The following PLXNB2 variants were observed in gnomAD, a reference collection of about 807,000 sequenced individuals.
The protein encoded by PLXNB2 is plexin-B2.
PLXNB2 carries 85 observed loss-of-function variants against 202.6 expected under a neutral mutation model. The observed-to-expected ratio is 0.42, with a 90% CI of 0.35 to 0.50. The LOEUF (loss-of-function observed/expected upper bound fraction) is 0.50. PLXNB2 is among the 20% of genes least tolerant of loss of function. The pLI, the probability that PLXNB2 is intolerant of heterozygous loss-of-function variation, is 0.02. For missense variants in PLXNB2, 2,063 were observed against 2,586.2 expected, an observed-to-expected ratio of 0.80 and a Z score of 4.39; for synonymous variants, 1,239 against 1,137.6, an observed-to-expected ratio of 1.09 and a Z score of -1.79.
Position 50,275,956 on chromosome 22 carries a change from G to C in PLXNB2, c.5345C>G (p.Thr1782Arg), listed in dbSNP as rs779890038. Residue 1782 changes from threonine (T) to arginine (R), a missense_variant, in exon 36 of 37, where the codon ACG becomes AGG. Around this residue, in one of 2 missense-constraint regions of PLXNB2, gnomAD observed 760 missense variants for 1,109.4 expected, o/e 0.69. Transcript: ENST00000359337. Reference sequence around the variant, plus strand: ...TGCCACGAGGGTGTTCAAGGAGTCCGTGTGCGCCTGGGGGGTGACGGGACA... The same window carrying C: ...TGCCACGAGGGTGTTCAAGGAGTCCCTGTGCGCCTGGGGGGTGACGGGACA... ...THLAEISRAHTDSLNTLVALH... is the reference protein window; with the variant it reads ...THLAEISRAHRDSLNTLVALH... 6.2e-7 allele frequency: 1 copy of C among 1,612,418 alleles called. No individual in the cohort carries two copies.
In PLXNB2 at chr22:50,282,101, G is replaced by C. The variant is rs770919005; in HGVS notation, c.3118-20C>G. 27 of 1,606,950 alleles carry C rather than the reference G, an allele frequency of 1.7e-5. 1 individual carries two copies. In the South Asian group the frequency reaches 2.6e-4, roughly 16 times the overall value. ...CACCACCTGCAGGCAAGTCCCAGCT[G>C]TCAGCCCCCGGGCGCAGACCCCGCC... On this transcript the variant is annotated intron_variant, in intron 19 of 36. Transcript: ENST00000359337.
At chr22:50,296,193 T>TACACACACACACACACAC (rs58616888) in intron 1 of PLXNB2, among the ~76,000 whole-genome samples, 35 of 139,328 alleles carry the variant, frequency 2.5e-4, no homozygotes, top group African/African-American at 7.9e-4. Context: ...TCTCAAAAAA[T>TACACACACACACACACAC]ACACACACAC....
At chr22:50,307,403 G>A (rs185283047) in intron 1 of PLXNB2, 150 bp downstream of exon 1, 6 of 270,642 alleles carry the variant, frequency 2.2e-5, no homozygotes, top group South Asian at 1.4e-4. Context: ...GACGGACGGG[G>A]CCCAGGCCCC....
chr22:50,283,907 C>T lies in PLXNB2; in HGVS notation c.2347G>A (p.Gly783Arg), dbSNP rs551456267. Residue 783 changes from glycine to arginine, a missense_variant, in exon 14 of 37, where the codon GGG (glycine) becomes AGG (arginine). Transcript: ENST00000359337. ...ANPDYRCAWC[G>R]GQSRCVYEAL... is the part of the protein sequence containing the mutation. ...TCATACACGCACCTGCTCTGGCCCC[C>T]GCACCACGCACACCTGTAGTCGGGG... The T allele has an allele frequency of 9.4e-5, 149 of 1,582,070 alleles. 1 individual carries two copies. The highest frequency in any genetic ancestry group is 9.3e-5 in the Non-Finnish European group (108 of 1,165,022).
At chr22:50,299,717 GAGGGCGAGACCGGCGGCCCCGCC>G (rs1183241842) in intron 1 of PLXNB2, among the ~76,000 whole-genome samples, 1 of 152,094 alleles carries the variant, frequency 6.6e-6, no homozygotes, top group Non-Finnish European at 1.5e-5. Flanking sequence ...GAGACCCGGC[GAGGGCGAGACCGGCGGCCCCGCC>G]ACCCAGCCCC....
rs199880917 is a variant in PLXNB2 at position 50,282,694 on chromosome 22, G to GCAGGGCACTGAGGA, written c.2987+16_2987+17insTCCTCAGTGCCCTG. The GCAGGGCACTGAGGA allele has an allele frequency of 9.5e-6, 15 of 1,576,028 alleles. No individual in the cohort carries two copies. Among genetic ancestry groups the GCAGGGCACTGAGGA allele is most frequent in the African/African-American group, 2.7e-5 (2 of 74,066 alleles). ...GGGTGTGGGGAGCAGAGGGGGGCGG[G>GCAGGGCACTGAGGA]GGGACACCAGCCTCACCTGGCAAAG... On this transcript the variant is annotated intron_variant, in intron 18 of 36. Transcript: ENST00000359337.
chr22:50,302,150 G>A (rs1379586329), intron 1 of PLXNB2, among the ~76,000 whole-genome samples: 1 of 152,242 alleles, frequency 6.6e-6, no homozygotes, highest in Non-Finnish European at 1.5e-5. Context: ...GCAGGGGAGA[G>A]GGGCTGCGTC....
At position 50,275,016 on chromosome 22, in the gene PLXNB2, CA is replaced by C. The variant is rs2065444858; in HGVS notation, c.*687del. On this transcript the variant is annotated 3_prime_UTR_variant, in exon 37 of 37. Transcript: ENST00000359337. Reference sequence around the variant, plus strand: ...GACGCTGTATTTGATTTACAATGAACAAGATTTACAAAAAGGGGTGGGGTGG... The same window carrying C: ...GACGCTGTATTTGATTTACAATGAACAGATTTACAAAAAGGGGTGGGGTGG... The C allele has an allele frequency of 6.0e-6, 1 of 167,420 alleles. No homozygotes were observed. Among genetic ancestry groups the C allele is most frequent in the South Asian group, 1.2e-4 (1 of 8,058 alleles). The allele number at this position is 167,420 out of a possible 1,614,324, so 10.4% of individuals were successfully genotyped here.
At position 50,278,666 on chromosome 22, in the gene PLXNB2, A is replaced by G; in HGVS notation, c.4577T>C (p.Leu1526Pro). 1 of 1,612,474 alleles carries G rather than the reference A, an allele frequency of 6.2e-7. No homozygotes were observed. The highest frequency in any genetic ancestry group is 8.5e-7 in the Non-Finnish European group (1 of 1,179,730). ...CTGTGACGTCAGGTCCAGGTCCGAC[A>G]GGATCTGCGCTGTGGAGCCCGGACG... ...EWRPGSTAQI[L>P]SDLDLTSQRE... Residue 1526 changes from leucine (L) to proline (P), a missense_variant, in exon 29 of 37, where the codon CTG (leucine) becomes CCG (proline). Leu to Pro is a moderately conservative substitution (Grantham distance 98, BLOSUM62 -3). Transcript: ENST00000359337.
chr22:50,295,921 G>A (rs1352972930), intron 1 of PLXNB2, among the ~76,000 whole-genome samples: 1 of 152,044 alleles, frequency 6.6e-6, no homozygotes, highest in Non-Finnish European at 1.5e-5. Flanking sequence ...GACCAACATG[G>A]TGAAACCCCA....
rs1277464329 is a variant in PLXNB2, at chr22:50,275,707, G to A, written c.5514C>T (p.Leu1838=). ...AAALENKVTD[L] ...AGGCAGCACTGGAGATTGTAGGTCAGAGGTCAGTGACCTTGTTCTCCAGTG... is the reference window on the plus strand; with the variant it reads ...AGGCAGCACTGGAGATTGTAGGTCAAAGGTCAGTGACCTTGTTCTCCAGTG... The change falls in exon 37 of 37, where the codon CTC becomes CTT. Residue 1838 remains leucine (L), a synonymous_variant. Coordinates refer to ENST00000359337, the MANE Select transcript of PLXNB2 (RefSeq NM_012401.4). 6.3e-7 allele frequency: 1 copy of A among 1,592,806 alleles called. No individual in the cohort carries two copies. Among genetic ancestry groups the A allele is most frequent in the Admixed American group, 1.7e-5 (1 of 59,224 alleles).
In PLXNB2 at chr22:50,279,761, G is replaced by A. The variant is rs2147351653; in HGVS notation, c.4258C>T (p.Pro1420Ser). 6.2e-7 allele frequency: 1 copy of A among 1,613,890 alleles called. No individual in the cohort carries two copies. Among genetic ancestry groups the A allele is most frequent in the Non-Finnish European group, 8.5e-7 (1 of 1,179,970 alleles). ...ATGGCCTTGAAGAGCTTGTACAGGG[G>A]CTCCCCGGCACTGTCCTGGAGTAAC... ...YQYLKDSAGEPLYKLFKAIKH... is the reference protein window; with the variant it reads ...YQYLKDSAGESLYKLFKAIKH... Residue 1420 changes from proline (P) to serine (S), a missense_variant, in exon 27 of 37, where the codon CCC (proline) becomes TCC (serine). Physicochemically the swap from Pro to Ser is moderately conservative, Grantham distance 74. Around this residue, in one of 2 missense-constraint regions of PLXNB2, gnomAD observed 760 missense variants for 1,109.4 expected, o/e 0.69. Transcript: ENST00000359337.
Position 50,283,501 on chromosome 22 carries a change from A to C in PLXNB2, c.2571-56T>G, listed in dbSNP as rs1282113344. 3.8e-5 allele frequency: 46 copies of C among 1,199,434 alleles called. 1 individual carries two copies. Among genetic ancestry groups the C allele is most frequent in the Non-Finnish European group, 4.6e-5 (39 of 850,564 alleles). 74.3% of individuals were successfully genotyped at this position (1,199,434 alleles called of 1,614,324 possible). On this transcript the variant is annotated intron_variant, in intron 15 of 36. Transcript: ENST00000359337. ...ACTCCCCGACCCACCCCACACCCTG[A>C]CACCCTCACCCCCTCAGCCTCCCCA...
At chr22:50,282,622 C>A in intron 18 of PLXNB2, 89 bp downstream of exon 18, 1 of 943,292 alleles carries the variant, frequency 1.1e-6, no homozygotes, top group Non-Finnish European at 1.5e-6. Flanking sequence ...ACCAGCCCCA[C>A]CACATTCCTT....
rs560173099 is a variant in PLXNB2 at position 50,289,157 on chromosome 22, G to A, written c.1069-15C>T. On this transcript the variant is annotated splice_polypyrimidine_tract_variant and intron_variant, in intron 3 of 36. Coordinates refer to ENST00000359337, the MANE Select transcript of PLXNB2 (RefSeq NM_012401.4). This position sits in a 1 kb window ranked among gnomAD's most constrained non-coding sequence, Gnocchi z 8.0. ...TTGCTGGAGCCCTGCGGACCACAGC[G>A]TGTCAATGGCAGGCAGACCCCCTGT... 4.5e-5 allele frequency: 69 copies of A among 1,546,878 alleles called. No homozygotes were observed. The highest frequency in any genetic ancestry group is 3.4e-4 in the Middle Eastern group (2 of 5,854).
In PLXNB2 at chr22:50,284,249, C is replaced by T; in HGVS notation, c.2182-36G>A. 1.3e-6 allele frequency: 2 copies of T among 1,595,378 alleles called. No homozygotes were observed. The highest frequency in any genetic ancestry group is 1.7e-6 in the Non-Finnish European group (2 of 1,164,400). Reference sequence around the variant, plus strand: ...CGCAGGGGCACACTGCACTTCCTGCCCCCACAGAGGGGCGTGGGGCGGGGG... The same window carrying T: ...CGCAGGGGCACACTGCACTTCCTGCTCCCACAGAGGGGCGTGGGGCGGGGG... On this transcript the variant is annotated intron_variant, in intron 12 of 36. Coordinates refer to ENST00000359337, the MANE Select transcript of PLXNB2 (RefSeq NM_012401.4). This position sits in a 1 kb window ranked among gnomAD's most constrained non-coding sequence, Gnocchi z 8.0.
intron 2 of PLXNB2, among the ~76,000 whole-genome samples, chr22:50,292,605 C>G (rs1470293583): frequency 6.6e-6 from 1 of 152,206 alleles, no homozygotes; most frequent in African/African-American, 2.4e-5. Flanking sequence ...CCCAAACCCC[C>G]TGGCCTCTGT....
In PLXNB2 at chr22:50,291,079, C is replaced by T. The variant is rs1382436206; in HGVS notation, c.-13-482G>A. Among the ~76,000 whole-genome samples, 1 of 152,180 alleles carries T rather than the reference C, an allele frequency of 6.6e-6. No homozygotes were observed. Among genetic ancestry groups the T allele is most frequent in the Non-Finnish European group, 1.5e-5 (1 of 68,030 alleles). On this transcript the variant is annotated intron_variant, in intron 2 of 36. Coordinates refer to ENST00000359337, the MANE Select transcript of PLXNB2 (RefSeq NM_012401.4). This position sits in a 1 kb window ranked among gnomAD's most constrained non-coding sequence, Gnocchi z 4.3. ...TCACCCATGGGGCAGAGGTGAAGGA[C>T]ACGGGAAACCAGAGGCTCAGGTGAG...
chr22:50,285,081 T>C (rs2066324064), intron 11 of PLXNB2, among the ~76,000 whole-genome samples: 1 of 152,110 alleles, frequency 6.6e-6, no homozygotes, highest in Non-Finnish European at 1.5e-5. Context: ...CGATAAATCC[T>C]GTGCCCTCTA....
Sources: allele counts gnomAD v4.1 joint callset (sites outside exome capture counted in the v4.1 genomes callset), GRCh38; gene constraint gnomAD v4.1.1; regional missense constraint gnomAD v4.1.1; non-coding constraint Gnocchi (gnomAD v3.1); transcripts MANE v1.5; gene names NCBI Gene and HGNC (gene_info 2026-07-23, HGNC 2026-07-21).